Variants in FBXL7 observed in about 807,000 individuals in gnomAD.
FBXL7 encodes the protein F-box and leucine rich repeat protein 7.
FBXL7 carries 12 observed loss-of-function variants against 38.3 expected under a neutral mutation model. That is an observed-to-expected ratio of 0.31 (90% CI 0.20 to 0.51). The LOEUF (loss-of-function observed/expected upper bound fraction) is 0.51. Among genes scored for constraint, FBXL7 ranks in the 20% least tolerant of loss-of-function variants. The pLI, the probability that FBXL7 is intolerant of heterozygous loss-of-function variation, is 0.98. For synonymous variants in FBXL7, 297 were observed against 300.9 expected, an observed-to-expected ratio of 0.99 and a Z score of 0.13; for missense variants, 567 against 676.4, an observed-to-expected ratio of 0.84 and a Z score of 1.79.
chr5:15,553,080 C>CAAA (rs755924778), intron 1 of FBXL7, among the ~76,000 whole-genome samples: 2 of 124,078 alleles, frequency 1.6e-5, no homozygotes, highest in South Asian at 2.6e-4. Context: ...GACTCCATGT[C>CAAA]AAAAAAAAAA....
intron 1 of FBXL7, among the ~76,000 whole-genome samples, chr5:15,524,365 G>C (rs145611408): frequency 4.6e-5 from 7 of 152,236 alleles, no homozygotes; most frequent in South Asian, 2.1e-4. Flanking sequence ...TTCTTGGGGG[G>C]GCTGAAGGGC....
chr5:15,812,963 T>C (rs1471514606), intron 2 of FBXL7, among the ~76,000 whole-genome samples: 2 of 152,164 alleles, frequency 1.3e-5, no homozygotes, highest in African/African-American at 4.8e-5. Context: ...ATGCTTGTGA[T>C]TTTTTCACAT....
intron 1 of FBXL7, among the ~76,000 whole-genome samples, chr5:15,571,135 ATGTT>A (rs1270693305): frequency 6.6e-6 from 1 of 151,976 alleles, no homozygotes; most frequent in Non-Finnish European, 1.5e-5. Context: ...TAAAATGTCA[ATGTT>A]TGAGCAGCTA....
chr5:15,541,482 A>ATATATATAT (rs1737752111), intron 1 of FBXL7, among the ~76,000 whole-genome samples: 3 of 32,654 alleles, frequency 9.2e-5, no homozygotes, highest in East Asian at 7.2e-4. Flanking sequence ...TATATATATA[A>ATATATATAT]AGGTATAGCC....
chr5:15,610,206 G>A (rs1740184246), intron 1 of FBXL7, among the ~76,000 whole-genome samples: 1 of 152,146 alleles, frequency 6.6e-6, no homozygotes, highest in Non-Finnish European at 1.5e-5. Flanking sequence ...TGAGATTTGG[G>A]TGGGGACCCA....
At chr5:15,630,776 C>G (rs1740970069) in intron 2 of FBXL7, among the ~76,000 whole-genome samples, 1 of 151,522 alleles carries the variant, frequency 6.6e-6, no homozygotes, top group Non-Finnish European at 1.5e-5. Context: ...ATGGATTCAC[C>G]AAAACATGAA....
At chr5:15,846,529 T>C (rs182542649) in intron 2 of FBXL7, among the ~76,000 whole-genome samples, 1 of 152,326 alleles carries the variant, frequency 6.6e-6, no homozygotes, top group East Asian at 1.9e-4. Flanking sequence ...AGGGGGACTT[T>C]TATATGATAA....
intron 1 of FBXL7, among the ~76,000 whole-genome samples, chr5:15,586,710 C>CAGCT (rs964636409): frequency 5.9e-5 from 9 of 152,182 alleles, no homozygotes; most frequent in Non-Finnish European, 1.5e-5. Flanking sequence ...CTGAGTCTTG[C>CAGCT]AGCTCTCAAT....
chr5:15,862,922 A>G (rs1178914338), intron 2 of FBXL7, among the ~76,000 whole-genome samples: 1 of 152,216 alleles, frequency 6.6e-6, no homozygotes, highest in African/African-American at 2.4e-5. Flanking sequence ...ACCTGAGGCC[A>G]GTAGGGCTGC....
At chr5:15,836,210 T>A (rs1738588163) in intron 2 of FBXL7, among the ~76,000 whole-genome samples, 1 of 152,204 alleles carries the variant, frequency 6.6e-6, no homozygotes, top group African/African-American at 2.4e-5. Context: ...ATCTGTCAAA[T>A]ACTTATTGTA....
chr5:15,663,615 G>GAATC lies in FBXL7; in HGVS notation c.127+47545_127+47548dup, dbSNP rs112922866. On this transcript the variant is annotated intron_variant, in intron 2 of 3. Transcript: ENST00000504595. ...TTGTCTTTAGTTCTGTGTATGTGAT[G>GAATC]AATCACATTTATTTGTTTGCATATG... Among the ~76,000 whole-genome samples the GAATC allele has an allele frequency of 6.9e-3, 1,052 of 152,296 alleles. 11 individuals are homozygous for GAATC. The highest frequency in any genetic ancestry group is 0.025 in the African/African-American group (1,019 of 41,548).
intron 2 of FBXL7, among the ~76,000 whole-genome samples, chr5:15,726,622 CAGGGGTTGCAGTGAGCCA>C (rs767071931): frequency 4.3e-4 from 66 of 151,788 alleles, no homozygotes; most frequent in Non-Finnish European, 9.1e-4. Context: ...ACCCAGGAGG[CAGGGGTTGCAGTGAGCCA>C]AGATTGCACC....
At chr5:15,659,268 G>A (rs1741983056) in intron 2 of FBXL7, among the ~76,000 whole-genome samples, 1 of 151,670 alleles carries the variant, frequency 6.6e-6, no homozygotes, top group East Asian at 1.9e-4. Flanking sequence ...ATCTAAACAG[G>A]CAATGCAGTG....
intron 2 of FBXL7, among the ~76,000 whole-genome samples, chr5:15,922,905 A>G (rs755099974): frequency 4.6e-5 from 7 of 152,336 alleles, no homozygotes; most frequent in Non-Finnish European, 8.8e-5. Flanking sequence ...ATAAATGGCA[A>G]TTTTGCACCA....
chr5:15,534,011 T>C (rs1737509403), intron 1 of FBXL7, among the ~76,000 whole-genome samples: 1 of 152,170 alleles, frequency 6.6e-6, no homozygotes, highest in Non-Finnish European at 1.5e-5. Context: ...ATGATTTAAG[T>C]AGACTTTACA....
intron 1 of FBXL7, among the ~76,000 whole-genome samples, chr5:15,508,566 T>G (rs1031046200): frequency 2.0e-5 from 3 of 152,190 alleles, no homozygotes; most frequent in Non-Finnish European, 4.4e-5. Flanking sequence ...GAGGTTGTGC[T>G]AGAGATTTCT....
rs774999722 is a variant in FBXL7, at chr5:15,928,019, C to G, written c.257C>G (p.Ala86Gly). 1 of 1,604,144 alleles carries G rather than the reference C, an allele frequency of 6.2e-7. No homozygotes were observed. Among genetic ancestry groups the G allele is most frequent in the East Asian group, 2.2e-5 (1 of 44,676 alleles). Residue 86 changes from alanine (A) to glycine (G), a missense_variant, in exon 3 of 4, where the codon GCC becomes GGC. Coordinates refer to ENST00000504595, the MANE Select transcript of FBXL7 (RefSeq NM_012304.5). This position sits in a 1 kb window ranked among gnomAD's most constrained non-coding sequence, Gnocchi z 4.0. The part of the protein sequence containing the change: ...SSSSITGETV[A>G]MVHSPPPTRL... Reference sequence around the variant, plus strand: ...TCCTCCATCACCGGGGAGACGGTGGCCATGGTGCACTCCCCGCCCCCGACC... The same window carrying G: ...TCCTCCATCACCGGGGAGACGGTGGGCATGGTGCACTCCCCGCCCCCGACC...
intron 2 of FBXL7, among the ~76,000 whole-genome samples, chr5:15,718,307 A>C (rs1744099990): frequency 2.0e-5 from 3 of 152,158 alleles, no homozygotes; most frequent in Admixed American, 1.3e-4. Flanking sequence ...TAAAAAGTTG[A>C]GGAGAAAACG....
chr5:15,793,705 C>T (rs1192434030), intron 2 of FBXL7, among the ~76,000 whole-genome samples: 1 of 152,108 alleles, frequency 6.6e-6, no homozygotes, highest in Non-Finnish European at 1.5e-5. Flanking sequence ...AGACTGATTT[C>T]TTATGATAAT....
Sources: gnomAD v4.1 joint callset for allele counts (sites outside exome capture counted in the v4.1 genomes callset) on GRCh38, gnomAD v4.1.1 for gene constraint, Gnocchi (gnomAD v3.1) non-coding constraint, MANE v1.5 for transcripts, NCBI Gene and HGNC (gene_info 2026-07-23, HGNC 2026-07-21) for gene names.